The following NOL4 variants were observed in gnomAD, a reference collection of about 807,000 sequenced individuals.
The protein encoded by NOL4 is nucleolar protein 4, also known as cancer/testis antigen 125.
Under a neutral mutation model 75.9 loss-of-function variants are expected in NOL4, and 17 were observed. That is an observed-to-expected ratio of 0.22 (90% CI 0.15 to 0.34). The LOEUF (loss-of-function observed/expected upper bound fraction) is 0.34, where lower values mean the gene tolerates loss of function less well. Ranked by LOEUF, NOL4 falls within the 10% of genes least tolerant of loss-of-function variation. The pLI is 1.00. For missense variants in NOL4, 614 were observed against 793.5 expected, an observed-to-expected ratio of 0.77 and a Z score of 2.72; for synonymous variants, 292 against 289.9, an observed-to-expected ratio of 1.01 and a Z score of -0.07.
At chr18:34,120,625 C>T (rs1040467929) in intron 2 of NOL4, among the ~76,000 whole-genome samples, 13 of 151,970 alleles carry the variant, frequency 8.6e-5, no homozygotes, top group South Asian at 2.1e-4. Flanking sequence ...GTTTTTCAGA[C>T]GGATAAAAAC....
rs1207905934 is a variant in NOL4, at chr18:34,023,502, G to A, written c.773-3901C>T. 3 of 455,954 alleles carry A rather than the reference G, an allele frequency of 6.6e-6. No individual in the cohort carries two copies. In the East Asian group the frequency reaches 2.1e-4, roughly 32 times the overall value. The allele number at this position is 455,954 out of a possible 1,614,324, so 28.2% of individuals were successfully genotyped here. On this transcript the variant is annotated intron_variant, in intron 5 of 10. Coordinates refer to ENST00000261592, the MANE Select transcript of NOL4 (RefSeq NM_003787.5). The stretch of plus-strand genomic sequence containing the variant: ...AGAAGGTGCAGTATTTAGGTCTGTG[G>A]GTATGGCCTTCAGGTTCACTGGGCC...
At chr18:34,145,513 A>C (rs2081361458) in intron 1 of NOL4, among the ~76,000 whole-genome samples, 1 of 151,794 alleles carries the variant, frequency 6.6e-6, no homozygotes, top group African/African-American at 2.4e-5. Flanking sequence ...AAGAGTCCTA[A>C]ACTCAAGAAT....
At chr18:34,094,100 T>G (rs1012478749) in intron 4 of NOL4, among the ~76,000 whole-genome samples, 7 of 152,084 alleles carry the variant, frequency 4.6e-5, no homozygotes, top group African/African-American at 1.7e-4. Flanking sequence ...CTTCAAGGAA[T>G]TTCAAGACTT....
At chr18:33,864,628 C>T (rs150692377) in intron 10 of NOL4, among the ~76,000 whole-genome samples, 1,677 of 152,296 alleles carry the variant, frequency 0.011, 17 homozygotes, top group Non-Finnish European at 0.019. Context: ...CCAACTGCTG[C>T]CCCTTACCCA....
At chr18:33,915,642 AT>A (rs1330924508) in intron 9 of NOL4, among the ~76,000 whole-genome samples, 1 of 152,182 alleles carries the variant, frequency 6.6e-6, no homozygotes, top group African/African-American at 2.4e-5. Flanking sequence ...ATGGCTTCTA[AT>A]AATTTATTTA....
At chr18:34,093,917 C>T (rs1320119967) in intron 4 of NOL4, among the ~76,000 whole-genome samples, 1 of 152,046 alleles carries the variant, frequency 6.6e-6, no homozygotes, top group Non-Finnish European at 1.5e-5. Flanking sequence ...CGGTGAGTGC[C>T]TGTAGTCCCA....
At chr18:33,951,421 T>G (rs1028643351) in intron 8 of NOL4, among the ~76,000 whole-genome samples, 2 of 152,172 alleles carry the variant, frequency 1.3e-5, no homozygotes, top group Admixed American at 1.3e-4. Context: ...TGCTCTTCTG[T>G]GGTTTTACTA....
chr18:34,019,635 A>G, intron 5 of NOL4, 34 bp from the exon 6 acceptor site: 1 of 1,585,376 alleles, frequency 6.3e-7, no homozygotes, highest in Non-Finnish European at 8.6e-7. Context: ...TTTGATTTTA[A>G]TTAATATGCT....
At chr18:33,862,613 C>A (rs1016723116) in intron 10 of NOL4, among the ~76,000 whole-genome samples, 2 of 152,120 alleles carry the variant, frequency 1.3e-5, no homozygotes, top group Non-Finnish European at 2.9e-5. Flanking sequence ...GGACAAAGGA[C>A]ACGAACAGAA....
chr18:33,977,932 G>A (rs1259491774), intron 6 of NOL4, among the ~76,000 whole-genome samples: 4 of 152,204 alleles, frequency 2.6e-5, no homozygotes, highest in South Asian at 2.1e-4. Context: ...CTAGGCCTTG[G>A]AGACCTTTGT....
chr18:34,035,657 T>C (rs1206719138), intron 5 of NOL4, among the ~76,000 whole-genome samples: 1 of 150,392 alleles, frequency 6.6e-6, no homozygotes, highest in African/African-American at 2.4e-5. Context: ...CTAAATGAAA[T>C]AGAGACTAAC....
chr18:33,862,332 G>A (rs2063186935), intron 10 of NOL4, among the ~76,000 whole-genome samples: 1 of 152,224 alleles, frequency 6.6e-6, no homozygotes, highest in South Asian at 2.1e-4. Flanking sequence ...AGAAAACACA[G>A]GCATTACCAT....
intron 9 of NOL4, among the ~76,000 whole-genome samples, chr18:33,930,372 G>A (rs2067606547): frequency 6.6e-6 from 1 of 152,062 alleles, no homozygotes; most frequent in Non-Finnish European, 1.5e-5. Flanking sequence ...TTTCAGAAGT[G>A]ATAATTTTTG....
chr18:33,934,861 C>CTTTTTTTTTTTTTTTTTTTTTTTTTTT, intron 9 of NOL4, among the ~76,000 whole-genome samples: 1 of 141,478 alleles, frequency 7.1e-6, no homozygotes, highest in Admixed American at 7.1e-5. Context: ...TGGAGTAGCA[C>CTTTTTTTTTTTTTTTTTTTTTTTTTTT]GTTTTTTTTT....
At chr18:34,047,443 G>A (rs1056106912) in intron 5 of NOL4, among the ~76,000 whole-genome samples, 1 of 151,986 alleles carries the variant, frequency 6.6e-6, no homozygotes, top group Non-Finnish European at 1.5e-5. Context: ...CACGGATGTA[G>A]CCTGATACAA....
chr18:33,957,910 T>C (rs936138492), intron 7 of NOL4, among the ~76,000 whole-genome samples: 3 of 152,132 alleles, frequency 2.0e-5, no homozygotes, highest in African/African-American at 7.2e-5. Context: ...TCTTTTGTCA[T>C]GCATAATTAG....
chr18:34,036,134 T>TTA (rs1205922348), intron 5 of NOL4, among the ~76,000 whole-genome samples: 7 of 152,054 alleles, frequency 4.6e-5, no homozygotes, highest in Non-Finnish European at 5.9e-5. Flanking sequence ...AAGGCCAATA[T>TTA]TACCCTGATA....
intron 1 of NOL4, among the ~76,000 whole-genome samples, chr18:34,186,940 T>A (rs866913575): frequency 6.6e-6 from 1 of 152,212 alleles, no homozygotes; most frequent in African/African-American, 2.4e-5. Context: ...TTCCCATATA[T>A]GCTGTATCCT....
intron 2 of NOL4, among the ~76,000 whole-genome samples, chr18:34,113,740 T>C (rs1176954242): frequency 6.6e-6 from 1 of 152,218 alleles, no homozygotes; most frequent in Non-Finnish European, 1.5e-5. Flanking sequence ...GATGAAATAC[T>C]GCCATTTGAT....
Sources: gnomAD v4.1 joint callset for allele counts (sites outside exome capture counted in the v4.1 genomes callset) on GRCh38, gnomAD v4.1.1 for gene constraint, MANE v1.5 for transcripts, NCBI Gene and HGNC (gene_info 2026-07-23, HGNC 2026-07-21) for gene names.